The following SAMMSON variants were observed in gnomAD, a reference collection of about 807,000 sequenced individuals.
SAMMSON encodes long intergenic non-protein coding RNA 1212.
At chr3:70,194,105 A>C (rs772741933) in intron 4 of SAMMSON, among the ~76,000 whole-genome samples, 1 of 152,252 alleles carries the variant, frequency 6.6e-6, no homozygotes, top group Non-Finnish European at 1.5e-5. Flanking sequence ...CTTTTACAGA[A>C]GCAATGGTTT....
chr3:70,362,568 G>C (rs1036583380), intron 9 of SAMMSON, among the ~76,000 whole-genome samples: 1 of 151,570 alleles, frequency 6.6e-6, no homozygotes, highest in Non-Finnish European at 1.5e-5. Flanking sequence ...ACAGATAAAG[G>C]CAGAGACTGA....
chr3:70,350,341 C>G (rs1455493750), intron 7 of SAMMSON, among the ~76,000 whole-genome samples: 1 of 152,002 alleles, frequency 6.6e-6, no homozygotes, highest in Non-Finnish European at 1.5e-5. Flanking sequence ...CAATTATCTT[C>G]TATTTTGAAT....
chr3:70,114,092 T>C (rs2067400395), intron 4 of SAMMSON, among the ~76,000 whole-genome samples: 1 of 152,172 alleles, frequency 6.6e-6, no homozygotes. Context: ...GACAAGTGGG[T>C]CAAATTGGAG....
intron 4 of SAMMSON, among the ~76,000 whole-genome samples, chr3:70,159,233 G>GTTAC (rs2067604491): frequency 6.6e-6 from 1 of 151,648 alleles, no homozygotes; most frequent in Non-Finnish European, 1.5e-5. Flanking sequence ...GTGCAGGTTT[G>GTTAC]TTACATATGT....
intron 4 of SAMMSON, among the ~76,000 whole-genome samples, chr3:70,237,136 A>G (rs1701617932): frequency 6.6e-6 from 1 of 152,168 alleles, no homozygotes; most frequent in Non-Finnish European, 1.5e-5. Flanking sequence ...GAACATTTGC[A>G]TATCTGGTTT....
intron 4 of SAMMSON, among the ~76,000 whole-genome samples, chr3:70,087,436 C>A (rs901021891): frequency 3.9e-5 from 6 of 152,120 alleles, no homozygotes; most frequent in African/African-American, 1.4e-4. Context: ...AGACCTTTTT[C>A]TCTGTATGCA....
chr3:70,001,569 ATTC>A (rs2107573461), intron 1 of SAMMSON, among the ~76,000 whole-genome samples: 1 of 151,154 alleles, frequency 6.6e-6, no homozygotes, highest in South Asian at 2.1e-4. Context: ...GTTTTGCATT[ATTC>A]TTTTAACAGT....
chr3:70,242,100 T>C (rs1302401295), intron 4 of SAMMSON, among the ~76,000 whole-genome samples: 3 of 152,210 alleles, frequency 2.0e-5, no homozygotes, highest in African/African-American at 7.2e-5. Flanking sequence ...TGTGTACTGC[T>C]ATTGTGACAT....
At chr3:70,226,417 A>G (rs1701507477) in intron 4 of SAMMSON, among the ~76,000 whole-genome samples, 1 of 152,164 alleles carries the variant, frequency 6.6e-6, no homozygotes, top group Admixed American at 6.5e-5. Flanking sequence ...AGGGTGTCTC[A>G]GTGAAATTTT....
At chr3:70,159,055 G>T (rs4422269) in intron 4 of SAMMSON, among the ~76,000 whole-genome samples, 43 of 151,704 alleles carry the variant, frequency 2.8e-4, no homozygotes, top group African/African-American at 1.0e-3. Context: ...TTTTACATTA[G>T]GACAAAAATT....
chr3:70,302,594 C>T (rs752351095), intron 7 of SAMMSON: 1 of 152,138 alleles, frequency 6.6e-6, no homozygotes, highest in Non-Finnish European at 1.5e-5. Context: ...TTCTAGTTAT[C>T]TACAATTGTC....
At chr3:70,220,501 G>T (rs1320521170) in intron 4 of SAMMSON, among the ~76,000 whole-genome samples, 1 of 151,980 alleles carries the variant, frequency 6.6e-6, no homozygotes, top group African/African-American at 2.4e-5. Context: ...AAGAACTGGT[G>T]CACAATTTCT....
intron 4 of SAMMSON, among the ~76,000 whole-genome samples, chr3:70,212,024 CCTCTTAGTTTCTTT>C (rs1408568522): frequency 6.6e-6 from 1 of 151,936 alleles, no homozygotes; most frequent in African/African-American, 2.4e-5. Flanking sequence ...AAGACTTTGT[CCTCTTAGTTTCTTT>C]CTTCCTACCC....
At chr3:70,167,479 C>T (rs1243906454) in intron 4 of SAMMSON, among the ~76,000 whole-genome samples, 4 of 151,970 alleles carry the variant, frequency 2.6e-5, no homozygotes, top group Non-Finnish European at 5.9e-5. Flanking sequence ...TATATTTTCA[C>T]AGCCTTTGGA....
At chr3:70,399,125 C>T (rs1301058485) in intron 2 of SAMMSON, among the ~76,000 whole-genome samples, 1 of 152,108 alleles carries the variant, frequency 6.6e-6, no homozygotes, top group African/African-American at 2.4e-5. Flanking sequence ...AAGCAGCCAC[C>T]CCATATTTCC....
chr3:70,233,290 G>T (rs925586665), intron 4 of SAMMSON, among the ~76,000 whole-genome samples: 1 of 152,154 alleles, frequency 6.6e-6, no homozygotes, highest in East Asian at 1.9e-4. Flanking sequence ...GGTGGCCCTG[G>T]TGATGTTTGA....
intron 3 of SAMMSON, among the ~76,000 whole-genome samples, chr3:70,026,347 AT>A (rs1420266808): frequency 6.6e-6 from 1 of 152,050 alleles, no homozygotes; most frequent in Non-Finnish European, 1.5e-5. Flanking sequence ...AATTTATTTT[AT>A]TCATTTTTTT....
chr3:70,151,954 T>A (rs917821588), intron 4 of SAMMSON, among the ~76,000 whole-genome samples: 16 of 151,980 alleles, frequency 1.1e-4, no homozygotes, highest in African/African-American at 3.9e-4. Flanking sequence ...TAAAATCATA[T>A]TATTAAAAAA....
chr3:70,408,782 G>T (rs1180767736), intron 2 of SAMMSON, among the ~76,000 whole-genome samples: 3 of 151,972 alleles, frequency 2.0e-5, no homozygotes, highest in South Asian at 2.1e-4. Flanking sequence ...ACATTTTCAG[G>T]TATCTTTTCA....
Sources: allele counts gnomAD v4.1 joint callset (sites outside exome capture counted in the v4.1 genomes callset), GRCh38; gene constraint gnomAD v4.1.1; transcripts MANE v1.5; gene names NCBI Gene and HGNC (gene_info 2026-07-23, HGNC 2026-07-21).